MICAL3: variants seen among roughly 807,000 people sequenced by gnomAD.
MICAL3 encodes [F-actin]-monooxygenase MICAL3.
In MICAL3, 62 loss-of-function variants were observed where a neutral mutation model predicts 207.4. The ratio of observed to expected loss-of-function variants is 0.30; its 90% CI spans 0.24 to 0.37. The LOEUF (loss-of-function observed/expected upper bound fraction) is 0.37, where lower values mean the gene tolerates loss of function less well. Ranked by LOEUF, MICAL3 falls within the 10% of genes least tolerant of loss-of-function variation. The pLI, the probability that MICAL3 is intolerant of heterozygous loss-of-function variation, is 1.00. For synonymous variants in MICAL3, 1,077 were observed against 1,069.3 expected, an observed-to-expected ratio of 1.01 and a Z score of -0.14; for missense variants, 2,368 against 2,635.6, an observed-to-expected ratio of 0.90 and a Z score of 2.22.
intron 20 of MICAL3, among the ~76,000 whole-genome samples, chr22:17,835,292 C>T (rs150692166): frequency 1.3e-4 from 20 of 151,420 alleles, no homozygotes; most frequent in Admixed American, 3.3e-4. Flanking sequence ...CCCTCACCTC[C>T]GTGCATCAGC....
At chr22:17,878,466 C>G (rs1929099664) in intron 16 of MICAL3, among the ~76,000 whole-genome samples, 1 of 149,524 alleles carries the variant, frequency 6.7e-6, no homozygotes, top group African/African-American at 2.4e-5. Context: ...CGCTGCTAGC[C>G]TGGTGAGAGG....
chr22:17,791,056 C>T lies in MICAL3; in HGVS notation c.5766G>A (p.Glu1922=), dbSNP rs747183703. The change falls in exon 31 of 32, where the codon GAG becomes GAA. Residue 1922 remains glutamate (E), a synonymous_variant. Transcript: ENST00000441493. ...SELMIFAREL[E]LEDRQSRLQQ... ...GCAGTCGACTCTGCCGGTCTTCCAGCTCCAGCTCCCGGGCACTGAGGAGGC... is the reference window on the plus strand; with the variant it reads ...GCAGTCGACTCTGCCGGTCTTCCAGTTCCAGCTCCCGGGCACTGAGGAGGC... 1 of 1,611,858 alleles carries T rather than the reference C, an allele frequency of 6.2e-7. No homozygotes were observed. Among genetic ancestry groups the T allele is most frequent in the South Asian group, 1.1e-5 (1 of 90,998 alleles).
At chr22:17,889,948 C>G (rs1466812204) in intron 12 of MICAL3, among the ~76,000 whole-genome samples, 2 of 152,198 alleles carry the variant, frequency 1.3e-5, no homozygotes, top group East Asian at 3.8e-4. Flanking sequence ...GGACTATCAC[C>G]CACCATGGCC....
intron 1 of MICAL3, among the ~76,000 whole-genome samples, chr22:17,926,414 C>T (rs769667631): frequency 1.3e-5 from 2 of 152,210 alleles, no homozygotes; most frequent in Non-Finnish European, 1.5e-5. Flanking sequence ...CATGCTCCTC[C>T]GGCTTTTTAT....
intron 17 of MICAL3, among the ~76,000 whole-genome samples, chr22:17,866,331 G>C (rs1429987507): frequency 2.0e-5 from 3 of 152,254 alleles, no homozygotes; most frequent in Non-Finnish European, 4.4e-5. Context: ...GTGGCAGTGT[G>C]TGAGGAACAA....
chr22:17,818,136 C>A lies in MICAL3; in HGVS notation c.4525G>T (p.Val1509Leu). 1 of 1,609,146 alleles carries A rather than the reference C, an allele frequency of 6.2e-7. No homozygotes were observed. The highest frequency in any genetic ancestry group is 8.5e-7 in the Non-Finnish European group (1 of 1,178,296). ...REPAQPPREE[V>L]RKSFVESVEE... The stretch of plus-strand genomic sequence containing the variant: ...ACGCTCTCCACAAACGACTTCCGCA[C>A]CTCCTCTCTGGGGGGCTGAGCAGGC... The change falls in exon 26 of 32, where the codon GTG (valine) becomes TTG (leucine). Residue 1509 changes from valine to leucine, a missense_variant. Transcript: ENST00000441493.
intron 19 of MICAL3, among the ~76,000 whole-genome samples, chr22:17,849,991 C>T (rs1337966220): frequency 6.6e-6 from 1 of 151,968 alleles, no homozygotes; most frequent in Non-Finnish European, 1.5e-5. Flanking sequence ...GCGCCCAGTC[C>T]CAGGATGGAA....
rs191766221 is a variant in MICAL3, at chr22:17,986,925, T to C, written c.-75+37356A>G. ...TCCATTTTATTTTCTAGAGTAAGCA[T>C]ACAAAAAAATCCATCCTGGAAGAAT... On this transcript the variant is annotated intron_variant, in intron 1 of 31. Transcript: ENST00000441493. Among the ~76,000 whole-genome samples, 1,089 of 152,170 alleles carry C rather than the reference T, an allele frequency of 7.2e-3. 5 individuals are homozygous for C. The highest frequency in any genetic ancestry group is 0.02 in the Middle Eastern group (6 of 294).
chr22:17,875,146 T>C (rs948817522), intron 16 of MICAL3: 1 of 178,300 alleles, frequency 5.6e-6, no homozygotes, highest in African/African-American at 2.4e-5. Context: ...AGCCAATGGC[T>C]GCAAAACATT....
intron 27 of MICAL3, chr22:17,811,489 G>A (rs899444019): frequency 5.3e-5 from 8 of 152,344 alleles, no homozygotes; most frequent in Non-Finnish European, 1.2e-4. Context: ...GCCGCTGGCC[G>A]CTAGGAAGAA....
chr22:17,877,117 GGGAGGTTATGGAGGTTAGGGAGGTTAT>G (rs1928663475), intron 16 of MICAL3, among the ~76,000 whole-genome samples: 1 of 108,638 alleles, frequency 9.2e-6, no homozygotes, highest in Non-Finnish European at 1.9e-5. Flanking sequence ...ATGGAGGTTA[GGGAGGTTATGGAGGTTAGGGAGGTTAT>G]GGAGGTTAGG....
Position 17,841,813 on chromosome 22 carries a change from C to G in MICAL3, c.2801+9G>C, listed in dbSNP as rs368040403. The G allele has an allele frequency of 1.4e-5, 21 of 1,543,016 alleles. No individual in the cohort carries two copies. The highest frequency in any genetic ancestry group is 1.4e-5 in the Non-Finnish European group (16 of 1,146,824). ...GGCGGGTGGGCGCCCTGCAGCCCTG[C>G]GTGCTGACCTGCTGGCGACGTCCTC... On this transcript the variant is annotated intron_variant, in intron 20 of 31. Coordinates refer to ENST00000441493, the MANE Select transcript of MICAL3 (RefSeq NM_015241.3). The surrounding 1 kb of genome is among the most constrained non-coding windows in gnomAD (Gnocchi z 4.2).
chr22:17,962,182 A>G (rs1431750177), intron 1 of MICAL3, among the ~76,000 whole-genome samples: 1 of 152,174 alleles, frequency 6.6e-6, no homozygotes, highest in Non-Finnish European at 1.5e-5. Flanking sequence ...ACATCATTCC[A>G]ACCCTCCAGA....
chr22:17,877,438 T>C (rs1928867436), intron 16 of MICAL3, among the ~76,000 whole-genome samples: 1 of 107,904 alleles, frequency 9.3e-6, no homozygotes, highest in Non-Finnish European at 1.9e-5. Flanking sequence ...ATTATGGAGG[T>C]GAGGGAGGTT....
chr22:18,002,368 C>A (rs567246411), intron 1 of MICAL3, among the ~76,000 whole-genome samples: 17 of 152,224 alleles, frequency 1.1e-4, no homozygotes, highest in Admixed American at 1.1e-3. Flanking sequence ...CGGTGGCACA[C>A]GCCTGTAATC....
chr22:17,961,595 A>G (rs926372005), intron 1 of MICAL3, among the ~76,000 whole-genome samples: 1 of 152,102 alleles, frequency 6.6e-6, no homozygotes, highest in Non-Finnish European at 1.5e-5. Flanking sequence ...ACAGGTCCAG[A>G]ACAGCTTTGC....
intron 1 of MICAL3, among the ~76,000 whole-genome samples, chr22:17,951,609 G>A (rs138976994): frequency 6.1e-4 from 93 of 152,062 alleles, no homozygotes; most frequent in African/African-American, 2.0e-3. Context: ...GCTCAGGGTT[G>A]CCATGAAATC....
At position 17,901,984 on chromosome 22, in the gene MICAL3, G is replaced by A. The variant is rs1931357585; in HGVS notation, c.590-5C>T. On this transcript the variant is annotated splice_region_variant and splice_polypyrimidine_tract_variant and intron_variant, in intron 4 of 31. Coordinates refer to ENST00000441493, the MANE Select transcript of MICAL3 (RefSeq NM_015241.3). The stretch of plus-strand genomic sequence containing the variant: ...CCAGTGCCCGCCAGCCTATCCCTGT[G>A]AACCAAAACCAAATAAATGGGGGTC... 2 of 1,609,044 alleles carry A rather than the reference G, an allele frequency of 1.2e-6. No individual in the cohort carries two copies. The highest frequency in any genetic ancestry group is 1.7e-6 in the Non-Finnish European group (2 of 1,176,926).
At chr22:17,837,292 C>T (rs2542334) in intron 20 of MICAL3, among the ~76,000 whole-genome samples, 53,360 of 152,184 alleles carry the variant, frequency 0.35, 9,775 homozygotes, top group African/African-American at 0.46. Flanking sequence ...TTCTCCCACT[C>T]GTGGTGTTAT....
Sources: allele counts gnomAD v4.1 joint callset (sites outside exome capture counted in the v4.1 genomes callset), GRCh38; gene constraint gnomAD v4.1.1; non-coding constraint Gnocchi (gnomAD v3.1); transcripts MANE v1.5; gene names NCBI Gene and HGNC (gene_info 2026-07-23, HGNC 2026-07-21).